The following SMOC2 variants were observed in gnomAD, a reference collection of about 807,000 sequenced individuals.
The protein encoded by SMOC2 is SPARC related modular calcium binding 2.
SMOC2 carries 39 observed loss-of-function variants against 61.4 expected under a neutral mutation model. That is an observed-to-expected ratio of 0.64 (90% CI 0.49 to 0.83). The LOEUF (loss-of-function observed/expected upper bound fraction) is 0.83. SMOC2 is among the 40% of genes least tolerant of loss of function. The probability of loss-of-function intolerance (pLI) is 0.00; values close to 1 mark genes in which losing one functional copy is unlikely to be tolerated. For missense variants in SMOC2, 556 were observed against 592.9 expected (o/e 0.94, Z 0.65); for synonymous variants, 247 against 239.9 (o/e 1.03, Z -0.27).
intron 9 of SMOC2, among the ~76,000 whole-genome samples, chr6:168,649,044 G>A (rs1292035908): frequency 6.6e-6 from 1 of 152,110 alleles, no homozygotes; most frequent in Middle Eastern, 3.2e-3. Flanking sequence ...CTTTCCCCAC[G>A]GCACCCTCAG....
rs912541347 is a variant in SMOC2 at position 168,636,713 on chromosome 6, G to A, written c.908-13968G>A. Among the ~76,000 whole-genome samples the A allele has an allele frequency of 1.2e-4, 19 of 152,194 alleles. 1 individual carries two copies. Among genetic ancestry groups the A allele is most frequent in the Admixed American group, 1.2e-3 (18 of 15,284 alleles). ...ACTGTGATCCTGAGATCAGGAATTG[G>A]CTCACCTTGCTGTGACTGCTGCGTG... On this transcript the variant is annotated intron_variant, in intron 9 of 12. Transcript: ENST00000356284.
intron 4 of SMOC2, among the ~76,000 whole-genome samples, chr6:168,536,526 G>A (rs1783737854): frequency 6.6e-6 from 1 of 152,128 alleles, no homozygotes; most frequent in South Asian, 2.1e-4. Context: ...TCCCTGGGAT[G>A]AGGCAGGAAG....
chr6:168,503,802 A>G (rs752227750), intron 1 of SMOC2, among the ~76,000 whole-genome samples: 21 of 152,102 alleles, frequency 1.4e-4, no homozygotes, highest in Non-Finnish European at 2.6e-4. Context: ...CAAACTGAGC[A>G]TCTGTGACTC....
chr6:168,625,186 G>A (rs1485152975), intron 9 of SMOC2, among the ~76,000 whole-genome samples: 2 of 152,234 alleles, frequency 1.3e-5, no homozygotes, highest in Non-Finnish European at 2.9e-5. Flanking sequence ...GGGCATGTGG[G>A]GCACGTGGGT....
intron 7 of SMOC2, among the ~76,000 whole-genome samples, chr6:168,550,410 CACACCCA>C (rs981623243): frequency 6.6e-6 from 1 of 152,194 alleles, no homozygotes; most frequent in Non-Finnish European, 1.5e-5. Context: ...CCAGCTCTTA[CACACCCA>C]ACCTGAAAAG....
intron 9 of SMOC2, among the ~76,000 whole-genome samples, chr6:168,635,448 C>A (rs1009057602): frequency 1.3e-5 from 2 of 152,160 alleles, no homozygotes; most frequent in Non-Finnish European, 2.9e-5. Flanking sequence ...AGCCTCCCTG[C>A]CAGCATTTTT....
intron 4 of SMOC2, among the ~76,000 whole-genome samples, chr6:168,532,741 A>G (rs1783639713): frequency 6.6e-6 from 1 of 152,182 alleles, no homozygotes; most frequent in Non-Finnish European, 1.5e-5. Flanking sequence ...AGGAAGCTAC[A>G]GGTTTTGAGT....
intron 1 of SMOC2, among the ~76,000 whole-genome samples, chr6:168,488,873 A>G (rs111906953): frequency 0.01 from 1,409 of 134,374 alleles, 21 homozygotes; most frequent in African/African-American, 0.035. Flanking sequence ...GAAATATATC[A>G]AATCGTCTGG....
chr6:168,560,544 C>A lies in SMOC2; in HGVS notation c.637+11341C>A, dbSNP rs192279575. Among the ~76,000 whole-genome samples, 776 of 138,296 alleles carry A rather than the reference C, an allele frequency of 5.6e-3. 18 individuals carry two copies. Among genetic ancestry groups the A allele is most frequent in the South Asian group, 8.7e-3 (37 of 4,262 alleles). 90.7% of individuals were successfully genotyped at this position (138,296 alleles called of 152,430 possible). A position where few individuals can be genotyped will look rare whatever the true frequency, so the allele number is the denominator to read the frequency against. ...CGTTCTTGGAGGAGGTGTCATTTTC[C>A]TGCCCTGAGACACGAGGCTCTCACT... On this transcript the variant is annotated intron_variant, in intron 7 of 12. Coordinates refer to ENST00000356284, the MANE Select transcript of SMOC2 (RefSeq NM_001166412.2).
intron 1 of SMOC2, among the ~76,000 whole-genome samples, chr6:168,508,182 T>G (rs2115049898): frequency 6.6e-6 from 1 of 152,352 alleles, no homozygotes; most frequent in Middle Eastern, 3.4e-3. Flanking sequence ...TTTAATTCTT[T>G]TATTGGCGTG....
At chr6:168,642,723 C>T (rs1786923855) in intron 9 of SMOC2, among the ~76,000 whole-genome samples, 2 of 152,108 alleles carry the variant, frequency 1.3e-5, no homozygotes, top group Non-Finnish European at 2.9e-5. Flanking sequence ...CTTTGTATAC[C>T]TTTTATAAGC....
chr6:168,500,388 T>A (rs1370738468), intron 1 of SMOC2, among the ~76,000 whole-genome samples: 1 of 151,880 alleles, frequency 6.6e-6, no homozygotes, highest in African/African-American at 2.4e-5. Flanking sequence ...GAGAGGGAAC[T>A]CTGAATGCTG....
chr6:168,635,899 A>G (rs1437522206), intron 9 of SMOC2, among the ~76,000 whole-genome samples: 2 of 151,638 alleles, frequency 1.3e-5, no homozygotes, highest in African/African-American at 4.8e-5. Flanking sequence ...TACTGGTTTA[A>G]CAAATAGTTT....
At chr6:168,562,338 GTGTTCT>G in intron 7 of SMOC2, among the ~76,000 whole-genome samples, 2 of 137,908 alleles carry the variant, frequency 1.5e-5, no homozygotes, top group Non-Finnish European at 3.1e-5. Flanking sequence ...GGCTCTCACT[GTGTTCT>G]CGGAGGAGGT....
At chr6:168,456,413 G>A (rs1217067837) in intron 1 of SMOC2, among the ~76,000 whole-genome samples, 3 of 152,204 alleles carry the variant, frequency 2.0e-5, no homozygotes, top group Non-Finnish European at 4.4e-5. Context: ...AACCAGGTCA[G>A]GCTGCATTGA....
At chr6:168,529,062 T>TG in intron 4 of SMOC2, among the ~76,000 whole-genome samples, 1 of 152,336 alleles carries the variant, frequency 6.6e-6, no homozygotes, top group African/African-American at 2.4e-5. Flanking sequence ...CCCAAAGAAC[T>TG]TTCTTAGAAA....
intron 7 of SMOC2, among the ~76,000 whole-genome samples, chr6:168,574,658 C>T (rs1306268306): frequency 2.0e-5 from 3 of 151,948 alleles, no homozygotes; most frequent in East Asian, 1.9e-4. Context: ...ATTCCTGTGC[C>T]GTGTGTGTAG....
rs1782973527 is a variant in SMOC2, at chr6:168,510,164, G to T, written c.256+78G>T. 2.8e-6 allele frequency: 4 copies of T among 1,453,236 alleles called. No homozygotes were observed. In the Admixed American group the frequency reaches 7.7e-5, roughly 28 times the overall value. 90.0% of individuals were successfully genotyped at this position (1,453,236 alleles called of 1,614,324 possible). ...TGAATGCAAACATATTTTCATACTT[G>T]ATAACTTTTTACATTTACAAACTCG... On this transcript the variant is annotated intron_variant, in intron 2 of 12. Coordinates refer to ENST00000356284, the MANE Select transcript of SMOC2 (RefSeq NM_001166412.2).
chr6:168,532,438 C>G (rs563533072), intron 4 of SMOC2, among the ~76,000 whole-genome samples: 9 of 151,566 alleles, frequency 5.9e-5, no homozygotes, highest in African/African-American at 1.7e-4. Context: ...CCCTCCCCCC[C>G]TCCCCCACAA....
Sources: gnomAD v4.1 joint callset for allele counts (sites outside exome capture counted in the v4.1 genomes callset) on GRCh38, gnomAD v4.1.1 for gene constraint, MANE v1.5 for transcripts, NCBI Gene and HGNC (gene_info 2026-07-23, HGNC 2026-07-21) for gene names.